DAB1: variants seen among roughly 807,000 people sequenced by gnomAD.
The protein encoded by DAB1 is DAB adaptor protein 1.
DAB1 carries 15 observed loss-of-function variants against 64.6 expected under a neutral mutation model. The observed-to-expected ratio is 0.23, with a 90% CI of 0.16 to 0.36. The LOEUF is 0.36. DAB1 is among the 10% of genes least tolerant of loss of function. The probability of loss-of-function intolerance (pLI) is 1.00; values close to 1 mark genes in which losing one functional copy is unlikely to be tolerated. For synonymous variants in DAB1, 235 were observed against 251.9 expected, an observed-to-expected ratio of 0.93 and a Z score of 0.64; for missense variants, 596 against 706.7, an observed-to-expected ratio of 0.84 and a Z score of 1.78.
intron 1 of DAB1, among the ~76,000 whole-genome samples, chr1:57,873,066 G>T (rs951771296): frequency 3.9e-5 from 6 of 152,032 alleles, no homozygotes; most frequent in Admixed American, 3.9e-4. Context: ...GACTGTAGAG[G>T]AATCTGAGAT....
At chr1:57,744,872 A>G (rs367594895) in intron 6 of DAB1, among the ~76,000 whole-genome samples, 1 of 152,188 alleles carries the variant, frequency 6.6e-6, no homozygotes, top group Admixed American at 6.5e-5. Flanking sequence ...TCCAAAGACT[A>G]TTAGTTCCAC....
rs554899360 is a variant in DAB1 at position 57,736,043 on chromosome 1, G to A, written n.552-86378C>T. Among the ~76,000 whole-genome samples the A allele has an allele frequency of 9.2e-5, 14 of 152,108 alleles. No individual in the cohort carries two copies. In the South Asian group the frequency reaches 2.5e-3, roughly 27 times the overall value. On this transcript the variant is annotated intron_variant and non_coding_transcript_variant, in intron 6 of 20. Transcript: ENST00000485760. ...CATCTGTACAGATATCAATATCTAA[G>A]TTTAAAAAAAAGAACTACATTTTCA...
At chr1:57,298,342 C>T (rs985251501) in intron 1 of DAB1, among the ~76,000 whole-genome samples, 11 of 152,102 alleles carry the variant, frequency 7.2e-5, no homozygotes, top group South Asian at 2.1e-4. Flanking sequence ...TATTGAGAGA[C>T]GCTGTATCTT....
At chr1:58,043,021 C>T (rs1647161596) in intron 5 of DAB1, among the ~76,000 whole-genome samples, 1 of 152,142 alleles carries the variant, frequency 6.6e-6, no homozygotes, top group Non-Finnish European at 1.5e-5. Context: ...GAAAGTTTAT[C>T]CATCAAATTC....
At chr1:57,034,902 C>A (rs1359366230) in intron 9 of DAB1, among the ~76,000 whole-genome samples, 2 of 152,136 alleles carry the variant, frequency 1.3e-5, no homozygotes, top group East Asian at 1.9e-4. Context: ...CTTCCCTCAG[C>A]CCCAGTTACA....
intron 4 of DAB1, among the ~76,000 whole-genome samples, chr1:57,083,475 G>A (rs926627372): frequency 1.3e-5 from 2 of 152,130 alleles, no homozygotes; most frequent in African/African-American, 4.8e-5. Flanking sequence ...TAGAAAGCAG[G>A]TAAATGAATG....
intron 6 of DAB1, among the ~76,000 whole-genome samples, chr1:57,718,247 T>G (rs1391746426): frequency 6.6e-6 from 1 of 152,316 alleles, no homozygotes; most frequent in Non-Finnish European, 1.5e-5. Flanking sequence ...ATACCTGTAT[T>G]AAAATATCAA....
intron 7 of DAB1, among the ~76,000 whole-genome samples, chr1:57,444,502 C>T (rs1295450801): frequency 2.0e-5 from 3 of 152,088 alleles, no homozygotes; most frequent in Admixed American, 1.3e-4. Context: ...TGTCCTAATC[C>T]CTGGAATCAG....
intron 2 of DAB1, among the ~76,000 whole-genome samples, chr1:57,160,055 C>G (rs10889029): frequency 0.63 from 95,790 of 151,908 alleles, 31,506 homozygotes; most frequent in African/African-American, 0.82. Flanking sequence ...CTTGCTTACC[C>G]ACAGCCTAAG....
At chr1:58,289,063 G>T (rs1168507744) in intron 4 of DAB1, among the ~76,000 whole-genome samples, 1 of 152,122 alleles carries the variant, frequency 6.6e-6, no homozygotes, top group African/African-American at 2.4e-5. Context: ...AGCTTTCTTT[G>T]TGTAGGCTGT....
At position 57,775,150 on chromosome 1, in the gene DAB1, C is replaced by G. The variant is rs114423501; in HGVS notation, n.551+108849G>C. 2.9e-3 allele frequency among the ~76,000 whole-genome samples: 439 copies of G among 151,300 alleles called. 2 individuals are homozygous for G. Among genetic ancestry groups the G allele is most frequent in the African/African-American group, 0.01 (426 of 41,428 alleles). On this transcript the variant is annotated intron_variant and non_coding_transcript_variant, in intron 6 of 20. Transcript: ENST00000485760. ...TTAATATTGGAATTTATGTCTTTTCCTCTTTTTTCTTGGTTAGCATAATTA... is the reference window on the plus strand; with the variant it reads ...TTAATATTGGAATTTATGTCTTTTCGTCTTTTTTCTTGGTTAGCATAATTA...
At chr1:57,862,775 G>A (rs978314079) in intron 1 of DAB1, 1 of 152,106 alleles carries the variant, frequency 6.6e-6, no homozygotes, top group Non-Finnish European at 1.5e-5. Flanking sequence ...AAATTAATCA[G>A]ACTAACCAGG....
At chr1:58,497,087 C>A (rs923746354) in intron 3 of DAB1, among the ~76,000 whole-genome samples, 2 of 152,136 alleles carry the variant, frequency 1.3e-5, no homozygotes, top group African/African-American at 4.8e-5. Context: ...TATAAAATAT[C>A]CTTCCCAAAA....
intron 7 of DAB1, among the ~76,000 whole-genome samples, chr1:57,555,402 T>G (rs1644976739): frequency 6.6e-6 from 1 of 151,040 alleles, no homozygotes; most frequent in African/African-American, 2.4e-5. Flanking sequence ...TTTTTTTTTT[T>G]TTTTTTCTTT....
At chr1:58,480,681 G>A (rs1404348026) in intron 3 of DAB1, 1 of 240,780 alleles carries the variant, frequency 4.2e-6, no homozygotes, top group South Asian at 7.1e-5. Flanking sequence ...ATCCACTAGG[G>A]GTCTGCCTTC....
intron 5 of DAB1, among the ~76,000 whole-genome samples, chr1:57,910,344 A>G (rs1393407113): frequency 2.6e-5 from 4 of 152,170 alleles, no homozygotes; most frequent in Admixed American, 2.0e-4. Flanking sequence ...ATACTGCAGA[A>G]TTGATTCTTC....
At chr1:57,042,203 C>G (rs1321767564) in intron 9 of DAB1, among the ~76,000 whole-genome samples, 1 of 152,110 alleles carries the variant, frequency 6.6e-6, no homozygotes, top group Non-Finnish European at 1.5e-5. Context: ...TGGAAGGCAG[C>G]CTTAAGGTTT....
chr1:58,078,202 C>A (rs1282189568), intron 5 of DAB1: 1 of 152,222 alleles, frequency 6.6e-6, no homozygotes, highest in African/African-American at 2.4e-5. Flanking sequence ...AGAAAGTCTT[C>A]CACCACTTTT....
chr1:57,560,643 T>G (rs549314931), intron 7 of DAB1, among the ~76,000 whole-genome samples: 87 of 152,268 alleles, frequency 5.7e-4, no homozygotes, highest in South Asian at 4.1e-3. Context: ...TTGAGTAGGG[T>G]CCAGAACAGT....
Sources: allele counts gnomAD v4.1 joint callset (sites outside exome capture counted in the v4.1 genomes callset), GRCh38; gene constraint gnomAD v4.1.1; transcripts MANE v1.5; gene names NCBI Gene and HGNC (gene_info 2026-07-23, HGNC 2026-07-21).